RIMS1: variants seen among roughly 807,000 people sequenced by gnomAD.
RIMS1 encodes the protein regulating synaptic membrane exocytosis protein 1.
Under a neutral mutation model 214.1 loss-of-function variants are expected in RIMS1, and 83 were observed. The ratio of observed to expected loss-of-function variants is 0.39; its 90% confidence interval spans 0.32 to 0.47. RIMS1 has a LOEUF of 0.47. Ranked by LOEUF, RIMS1 falls within the 20% of genes least tolerant of loss-of-function variation. The pLI, the probability that RIMS1 is intolerant of heterozygous loss-of-function variation, is 0.99. For synonymous variants in RIMS1, 793 were observed against 786.8 expected (o/e 1.01, Z -0.13); for missense variants, 2,050 against 2,161.8 (o/e 0.95, Z 1.03).
At chr6:71,973,057 G>C (rs1796262660) in intron 2 of RIMS1, among the ~76,000 whole-genome samples, 1 of 152,116 alleles carries the variant, frequency 6.6e-6, no homozygotes. Flanking sequence ...TTACAGGCAT[G>C]CGCCACCACA....
chr6:72,159,805 G>A (rs1373944083), intron 4 of RIMS1, among the ~76,000 whole-genome samples: 1 of 139,958 alleles, frequency 7.1e-6, no homozygotes, highest in Non-Finnish European at 1.6e-5. Flanking sequence ...TTGAAGTATA[G>A]TTTGAAGTCA....
At chr6:72,366,433 T>G (rs2098022986) in intron 29 of RIMS1, among the ~76,000 whole-genome samples, 1 of 152,228 alleles carries the variant, frequency 6.6e-6, no homozygotes, top group African/African-American at 2.4e-5. Flanking sequence ...CTATATTATA[T>G]TCAATAAAGT....
chr6:72,292,792 G>A (rs1383329869), intron 26 of RIMS1, among the ~76,000 whole-genome samples: 1 of 151,922 alleles, frequency 6.6e-6, no homozygotes, highest in African/African-American at 2.4e-5. Flanking sequence ...TCAGGAATTT[G>A]GTAAGCAATT....
chr6:72,263,048 C>G (rs1444094340), intron 19 of RIMS1: 11 of 911,248 alleles, frequency 1.2e-5, no homozygotes, highest in African/African-American at 1.8e-5. Context: ...AAAATCAGAT[C>G]TATTTGATAT....
intron 29 of RIMS1, among the ~76,000 whole-genome samples, chr6:72,385,892 T>C (rs954667029): frequency 6.6e-6 from 1 of 152,232 alleles, no homozygotes; most frequent in African/African-American, 2.4e-5. Flanking sequence ...TGGACCTTTA[T>C]ATTGCTTAAT....
At chr6:72,120,988 C>T (rs2038172422) in intron 4 of RIMS1, among the ~76,000 whole-genome samples, 1 of 151,680 alleles carries the variant, frequency 6.6e-6, no homozygotes, top group African/African-American at 2.4e-5. Context: ...TTTCTGAGGC[C>T]TCTGTTCTGT....
intron 6 of RIMS1, 129 bp downstream of exon 6, chr6:72,183,278 CCG>C (rs1274178302): frequency 1.7e-5 from 14 of 801,798 alleles, no homozygotes; most frequent in Admixed American, 2.8e-5. Flanking sequence ...GATAGCGTTA[CCG>C]CCAGTGGAAG....
intron 29 of RIMS1, among the ~76,000 whole-genome samples, chr6:72,346,404 C>T (rs1420400386): frequency 6.6e-6 from 1 of 151,736 alleles, no homozygotes; most frequent in East Asian, 1.9e-4. Context: ...CTCAAAGTTC[C>T]TCAAGTCAAG....
chr6:72,124,708 T>G (rs2039140645), intron 4 of RIMS1, among the ~76,000 whole-genome samples: 1 of 152,186 alleles, frequency 6.6e-6, no homozygotes, highest in Non-Finnish European at 1.5e-5. Context: ...ACTTCTTTTC[T>G]CACTTCATTT....
intron 23 of RIMS1, among the ~76,000 whole-genome samples, chr6:72,277,819 C>T (rs1020467720): frequency 5.3e-5 from 8 of 152,064 alleles, no homozygotes; most frequent in African/African-American, 1.9e-4. Context: ...CCTATATATA[C>T]GTAATTATAT....
chr6:72,255,288 A>G (rs1405223553), intron 16 of RIMS1, among the ~76,000 whole-genome samples: 1 of 152,186 alleles, frequency 6.6e-6, no homozygotes, highest in East Asian at 1.9e-4. Context: ...CTAGCATCCA[A>G]TATGAAGAAA....
intron 4 of RIMS1, among the ~76,000 whole-genome samples, chr6:72,151,598 A>G (rs1346625116): frequency 1.3e-5 from 2 of 152,094 alleles, no homozygotes; most frequent in African/African-American, 4.8e-5. Flanking sequence ...TCAGATGCAA[A>G]TCCTTGCCAA....
chr6:72,132,022 CATT>C (rs2040531227), intron 4 of RIMS1, among the ~76,000 whole-genome samples: 1 of 152,184 alleles, frequency 6.6e-6, no homozygotes, highest in East Asian at 1.9e-4. Flanking sequence ...GTTCCCTAAA[CATT>C]GTTGTTATCC....
At chr6:71,930,764 A>G (rs1782795604) in intron 1 of RIMS1, among the ~76,000 whole-genome samples, 1 of 152,096 alleles carries the variant, frequency 6.6e-6, no homozygotes. Context: ...GAAGATTTAC[A>G]AATGGAAATA....
intron 4 of RIMS1, among the ~76,000 whole-genome samples, chr6:72,171,987 T>C (rs1257493854): frequency 1.3e-5 from 2 of 151,974 alleles, no homozygotes; most frequent in African/African-American, 2.4e-5. Context: ...ATAGAATAGA[T>C]GATATAAAAT....
chr6:72,348,085 ATAT>A (rs2097326279), intron 29 of RIMS1, among the ~76,000 whole-genome samples: 1 of 151,898 alleles, frequency 6.6e-6, no homozygotes, highest in Admixed American at 6.6e-5. Flanking sequence ...TCATGGTATA[ATAT>A]TTCATTTAAC....
At chr6:72,038,118 A>AATAT (rs70994111) in intron 2 of RIMS1, among the ~76,000 whole-genome samples, 371 of 13,366 alleles carry the variant, frequency 0.028, 7 homozygotes, top group Middle Eastern at 0.11. Context: ...AAAAAAAAAA[A>AATAT]ATATATATAT....
At chr6:72,271,269 GAAA>G (rs1159251437) in intron 22 of RIMS1, among the ~76,000 whole-genome samples, 33 of 52,760 alleles carry the variant, frequency 6.3e-4, no homozygotes, top group South Asian at 3.1e-3. Context: ...CCATCTCAAG[GAAA>G]AAAAAAAAAA....
intron 2 of RIMS1, among the ~76,000 whole-genome samples, chr6:72,042,459 CTTAAA>C (rs1260343010): frequency 1.3e-5 from 2 of 151,794 alleles, no homozygotes; most frequent in African/African-American, 4.8e-5. Flanking sequence ...TTAATCAGGT[CTTAAA>C]TTATATATAA....
Sources: gnomAD v4.1 joint callset for allele counts (sites outside exome capture counted in the v4.1 genomes callset) on GRCh38, gnomAD v4.1.1 for gene constraint, MANE v1.5 for transcripts, NCBI Gene and HGNC (gene_info 2026-07-23, HGNC 2026-07-21) for gene names.